Variants in ADCK1 observed in about 807,000 individuals in gnomAD.
ADCK1 encodes the protein aarF domain-containing protein kinase 1.
ADCK1 carries 41 observed loss-of-function variants against 52.3 expected under a neutral mutation model. That is an observed-to-expected ratio of 0.78 (90% CI 0.61 to 1.02). ADCK1 has a LOEUF of 1.02. Among genes scored for constraint, ADCK1 ranks in the 50% least tolerant of loss-of-function variants. ADCK1 has a pLI of 0.00. For synonymous variants in ADCK1, 250 were observed against 274.6 expected, an observed-to-expected ratio of 0.91 and a Z score of 0.89; for missense variants, 658 against 679.5, an observed-to-expected ratio of 0.97 and a Z score of 0.35.
Position 77,876,927 on chromosome 14 carries a change from C to A in ADCK1, c.424-10164C>A, listed in dbSNP as rs186365615. Among the ~76,000 whole-genome samples, 200 of 152,340 alleles carry A rather than the reference C, an allele frequency of 1.3e-3. 1 individual carries two copies. Among genetic ancestry groups the A allele is most frequent in the African/African-American group, 4.7e-3 (197 of 41,574 alleles). On this transcript the variant is annotated intron_variant, in intron 4 of 10. Transcript: ENST00000238561. The stretch of plus-strand genomic sequence containing the variant: ...GCAACATCCTTGCATGTACAAAGAG[C>A]TTTGGGGCTGGGTGCAGTGGCTCAC...
chr14:77,906,803 C>A (rs1214590350), intron 6 of ADCK1, among the ~76,000 whole-genome samples: 1 of 151,914 alleles, frequency 6.6e-6, no homozygotes, highest in East Asian at 1.9e-4. Flanking sequence ...TTTTTTAAAT[C>A]AAGGAAATAA....
At chr14:77,859,976 T>C (rs2082508929) in intron 4 of ADCK1, among the ~76,000 whole-genome samples, 1 of 152,222 alleles carries the variant, frequency 6.6e-6, no homozygotes, top group African/African-American at 2.4e-5. Flanking sequence ...TGGTCTACCA[T>C]CTGCCTGATG....
intron 1 of ADCK1, among the ~76,000 whole-genome samples, chr14:77,801,456 A>G (rs2081108122): frequency 6.6e-6 from 1 of 152,222 alleles, no homozygotes; most frequent in Admixed American, 6.5e-5. Flanking sequence ...TAATTTATAT[A>G]CAGATTTTAA....
chr14:77,899,344 A>ATAATTG (rs2083480429), intron 6 of ADCK1, 86 bp downstream of exon 6: 1 of 1,529,910 alleles, frequency 6.5e-7, no homozygotes, highest in African/African-American at 1.4e-5. Context: ...CATCCCTTTC[A>ATAATTG]GGACATAATT....
At chr14:77,872,754 A>G (rs1469413618) in intron 4 of ADCK1, among the ~76,000 whole-genome samples, 2 of 150,550 alleles carry the variant, frequency 1.3e-5, no homozygotes, top group Non-Finnish European at 2.9e-5. Context: ...GGCTCACTGC[A>G]ACCTCCACCT....
intron 4 of ADCK1, among the ~76,000 whole-genome samples, chr14:77,884,844 G>T (rs1194297558): frequency 6.6e-6 from 1 of 152,230 alleles, no homozygotes; most frequent in Non-Finnish European, 1.5e-5. Context: ...AATGCATGTG[G>T]CCAGAGATAT....
intron 7 of ADCK1, among the ~76,000 whole-genome samples, chr14:77,910,130 T>G (rs962950329): frequency 5.9e-5 from 9 of 152,062 alleles, no homozygotes; most frequent in African/African-American, 2.2e-4. Context: ...TCAAGGGCCT[T>G]GGGGTGTGTG....
intron 6 of ADCK1, among the ~76,000 whole-genome samples, chr14:77,899,532 A>C (rs926087934): frequency 2.6e-5 from 4 of 152,216 alleles, no homozygotes; most frequent in African/African-American, 9.7e-5. Flanking sequence ...CTTAGCCAAG[A>C]ACCTATATGC....
chr14:77,907,028 C>T (rs2083681843), intron 6 of ADCK1, among the ~76,000 whole-genome samples: 3 of 152,114 alleles, frequency 2.0e-5, no homozygotes, highest in Non-Finnish European at 2.9e-5. Flanking sequence ...GCGATCCTCC[C>T]ACCTTAGCCT....
At chr14:77,872,339 G>C (rs1157762665) in intron 4 of ADCK1, among the ~76,000 whole-genome samples, 2 of 152,222 alleles carry the variant, frequency 1.3e-5, no homozygotes, top group African/African-American at 4.8e-5. Flanking sequence ...CACACAAGCT[G>C]CTTCTGGGAG....
At chr14:77,928,471 T>A (rs922461060) in intron 9 of ADCK1, among the ~76,000 whole-genome samples, 5 of 152,046 alleles carry the variant, frequency 3.3e-5, no homozygotes, top group Non-Finnish European at 7.4e-5. Context: ...TTGCATTTTT[T>A]TTTTTTTTGA....
At chr14:77,813,716 C>T (rs2081381604) in intron 1 of ADCK1, among the ~76,000 whole-genome samples, 1 of 152,008 alleles carries the variant, frequency 6.6e-6, no homozygotes, top group Non-Finnish European at 1.5e-5. Context: ...GGGGAATATT[C>T]ACTGATGAAG....
chr14:77,803,125 A>G lies in ADCK1; in HGVS notation c.-12+2955A>G, dbSNP rs557080605. On this transcript the variant is annotated intron_variant, in intron 1 of 10. Transcript: ENST00000238561. ...GTATCATTCACTTTGTGTGCTTTCT[A>G]TCCATATCAGGGACCAGGTTCTTCT... Among the ~76,000 whole-genome samples the G allele has an allele frequency of 1.3e-4, 20 of 152,172 alleles. No individual in the cohort carries two copies. The South Asian group carries it at 3.9e-3, about 30-fold the overall frequency.
At chr14:77,894,740 T>TTTTTTTTTTTTTTG (rs1566710868) in intron 5 of ADCK1, among the ~76,000 whole-genome samples, 2 of 68,580 alleles carry the variant, frequency 2.9e-5, no homozygotes, top group East Asian at 6.0e-4. Flanking sequence ...TTTCTTGTTT[T>TTTTTTTTTTTTTTG]TTTTTTTTTT....
intron 1 of ADCK1, among the ~76,000 whole-genome samples, chr14:77,806,147 G>C (rs72688831): frequency 0.33 from 50,491 of 151,268 alleles, 9,802 homozygotes; most frequent in East Asian, 0.51. Context: ...GGCTGGTCTG[G>C]ACTCCTGAGC....
chr14:77,826,070 A>G (rs753316343), intron 3 of ADCK1, among the ~76,000 whole-genome samples: 4 of 152,202 alleles, frequency 2.6e-5, no homozygotes, highest in Non-Finnish European at 5.9e-5. Context: ...CTCCTAGATA[A>G]GCTGACAGTT....
At chr14:77,837,684 G>A (rs1194526081) in intron 3 of ADCK1, among the ~76,000 whole-genome samples, 3 of 152,214 alleles carry the variant, frequency 2.0e-5, no homozygotes, top group Non-Finnish European at 4.4e-5. Flanking sequence ...GGTCCATACA[G>A]CATGGGGTTC....
At chr14:77,816,968 G>A (rs1310475224) in intron 1 of ADCK1, among the ~76,000 whole-genome samples, 4 of 150,430 alleles carry the variant, frequency 2.7e-5, no homozygotes, top group East Asian at 2.0e-4. Context: ...TGAGTAGGGC[G>A]TGGTGGCTCA....
intron 3 of ADCK1, among the ~76,000 whole-genome samples, chr14:77,845,357 A>G (rs1331610449): frequency 6.6e-6 from 1 of 152,242 alleles, no homozygotes; most frequent in Non-Finnish European, 1.5e-5. Flanking sequence ...TAAAGGGTTC[A>G]GAGTAGGGCC....
Sources: gnomAD v4.1 joint callset for allele counts (sites outside exome capture counted in the v4.1 genomes callset) on GRCh38, gnomAD v4.1.1 for gene constraint, MANE v1.5 for transcripts, NCBI Gene and HGNC (gene_info 2026-07-23, HGNC 2026-07-21) for gene names.